The following YAF2 variants were observed in gnomAD, a reference collection of about 807,000 sequenced individuals.
YAF2 encodes YY1-associated factor 2.
YAF2 carries 7 observed loss-of-function variants against 20.1 expected under a neutral mutation model. That is an observed-to-expected ratio of 0.35 (90% CI 0.20 to 0.65). The LOEUF (loss-of-function observed/expected upper bound fraction) is 0.65, where lower values mean the gene tolerates loss of function less well. YAF2 is among the 30% of genes least tolerant of loss of function. YAF2 has a pLI of 0.69. For synonymous variants in YAF2, 74 were observed against 76.0 expected (o/e 0.97, Z 0.14); for missense variants, 151 against 219.2 (o/e 0.69, Z 1.96).
chr12:42,189,656 A>G (rs1026337178), intron 2 of YAF2, among the ~76,000 whole-genome samples: 11 of 152,204 alleles, frequency 7.2e-5, no homozygotes, highest in Admixed American at 3.3e-4. Flanking sequence ...TACATACATT[A>G]TAGATAAAAC....
rs549799298 is a variant in YAF2, at chr12:42,157,897, G to A, written c.*2692C>T. The A allele has an allele frequency of 2.6e-5, 4 of 152,084 alleles. No individual in the cohort carries two copies. In the East Asian group the frequency reaches 7.7e-4, roughly 29 times the overall value. 9.4% of individuals were successfully genotyped at this position (152,084 alleles called of 1,614,324 possible). On this transcript the variant is annotated 3_prime_UTR_variant, in exon 4 of 4. Coordinates refer to ENST00000534854, the MANE Select transcript of YAF2 (RefSeq NM_005748.6). ...TTCAGCCCAAAGTGCTGGGATTACT[G>A]GCATGAGCCATCACACCCGGCCTAT...
chr12:42,196,088 G>A (rs1199298474), intron 2 of YAF2, among the ~76,000 whole-genome samples: 1 of 151,938 alleles, frequency 6.6e-6, no homozygotes. Context: ...AGGGTGTGGT[G>A]GCACATGCCT....
At chr12:42,208,831 A>G (rs1055190041) in intron 2 of YAF2, among the ~76,000 whole-genome samples, 6 of 152,250 alleles carry the variant, frequency 3.9e-5, no homozygotes, top group Admixed American at 3.9e-4. Flanking sequence ...AGAACAAACA[A>G]AAGTTTCAAA....
intron 2 of YAF2, chr12:42,212,504 G>A (rs1453358602): frequency 4.6e-6 from 2 of 433,294 alleles, no homozygotes; most frequent in African/African-American, 4.1e-5. Flanking sequence ...CAAAGAAAGT[G>A]TATAGTTTTT....
rs776582702 is a variant in YAF2, at chr12:42,160,757, G to A, written c.375C>T (p.Val125=). Residue 125 remains valine (V), a synonymous_variant, in exon 4 of 4, where the codon GTC becomes GTT. Transcript: ENST00000534854. ...TTTTCTCCTTAAAGTCTGTAATAAT[G>A]ACTGTCAGATCTCCAACAGTAACTT... ...HLEVTVGDLT[V]IITDFKEKTK... is the part of the protein sequence containing the mutation. 1.2e-6 allele frequency: 2 copies of A among 1,613,380 alleles called. No individual in the cohort carries two copies. The highest frequency in any genetic ancestry group is 1.1e-5 in the South Asian group (1 of 91,064).
At chr12:42,177,347 G>C (rs2066222236) in intron 2 of YAF2, among the ~76,000 whole-genome samples, 1 of 152,158 alleles carries the variant, frequency 6.6e-6, no homozygotes, top group African/African-American at 2.4e-5. Context: ...AGGGTGGAAA[G>C]TCCAAGACCA....
In YAF2 at chr12:42,233,192, A is replaced by C. The variant is rs142005849; in HGVS notation, c.152+4407T>G. The C allele has an allele frequency of 2.5e-5, 25 of 985,412 alleles. No homozygotes were observed. The African/African-American group carries it at 3.3e-4, about 13-fold the overall frequency. The allele number at this position is 985,412 out of a possible 1,614,324, so 61.0% of individuals were successfully genotyped here. A position where few individuals can be genotyped will look rare whatever the true frequency, so the allele number is the denominator to read the frequency against. On this transcript the variant is annotated intron_variant, in intron 2 of 3. Transcript: ENST00000534854. ...CATCTAGCACTCTTTCTACTATGTG[A>C]AATCTTTTTTATAGCTCTCTAAAAT...
At chr12:42,163,295 G>C (rs1200310801) in intron 2 of YAF2, among the ~76,000 whole-genome samples, 1 of 152,138 alleles carries the variant, frequency 6.6e-6, no homozygotes, top group Admixed American at 6.5e-5. Context: ...GGGATCCCAT[G>C]ATTAAAAGCT....
At chr12:42,227,284 C>T (rs1310144143) in intron 2 of YAF2, among the ~76,000 whole-genome samples, 1 of 83,044 alleles carries the variant, frequency 1.2e-5, no homozygotes, top group Non-Finnish European at 2.1e-5. Context: ...TGAGGAGTGT[C>T]TCTGCCTGGC....
intron 2 of YAF2, among the ~76,000 whole-genome samples, chr12:42,202,690 G>A (rs1296354656): frequency 6.6e-6 from 1 of 152,172 alleles, no homozygotes; most frequent in Admixed American, 6.5e-5. Flanking sequence ...CCAGGTTGGA[G>A]TGCAATGGCA....
At position 42,210,442 on chromosome 12, in the gene YAF2, G is replaced by C. The variant is rs371885898; in HGVS notation, c.152+27157C>G. 6.5e-6 allele frequency: 10 copies of C among 1,534,248 alleles called. No homozygotes were observed. The African/African-American group carries it at 1.4e-4, about 21-fold the overall frequency. On this transcript the variant is annotated intron_variant, in intron 2 of 3. Transcript: ENST00000534854. ...TTCAGCATGAGAATCTTCCTGATGGGCATCCACTGGAACTGAGGGGGCATG... is the reference window on the plus strand; with the variant it reads ...TTCAGCATGAGAATCTTCCTGATGGCCATCCACTGGAACTGAGGGGGCATG...
intron 2 of YAF2, among the ~76,000 whole-genome samples, chr12:42,197,627 A>C (rs929563181): frequency 6.6e-6 from 1 of 152,182 alleles, no homozygotes; most frequent in Non-Finnish European, 1.5e-5. Flanking sequence ...TGTAACAAAG[A>C]GGTAGGCTGA....
chr12:42,226,189 T>C (rs185538400), intron 2 of YAF2, among the ~76,000 whole-genome samples: 5 of 152,328 alleles, frequency 3.3e-5, no homozygotes, highest in Admixed American at 3.3e-4. Flanking sequence ...CACAGCTTCA[T>C]TGGTTTATTT....
At chr12:42,203,687 T>C (rs753036682) in intron 2 of YAF2, among the ~76,000 whole-genome samples, 3 of 152,196 alleles carry the variant, frequency 2.0e-5, no homozygotes, top group Non-Finnish European at 2.9e-5. Context: ...TTTTCAAATA[T>C]TGAACTGTCC....
chr12:42,194,299 C>G (rs929892602), intron 2 of YAF2, among the ~76,000 whole-genome samples: 1 of 152,256 alleles, frequency 6.6e-6, no homozygotes, highest in South Asian at 2.1e-4. Flanking sequence ...CTCACTCACC[C>G]AGAGCAACCT....
At chr12:42,216,805 T>C (rs1177009027) in intron 2 of YAF2, among the ~76,000 whole-genome samples, 2 of 152,166 alleles carry the variant, frequency 1.3e-5, no homozygotes, top group Non-Finnish European at 2.9e-5. Flanking sequence ...AACTATTACC[T>C]TCCCCCAAAC....
chr12:42,199,104 T>A (rs757347474), intron 2 of YAF2: 6 of 1,187,590 alleles, frequency 5.1e-6, no homozygotes, highest in Non-Finnish European at 6.6e-6. Flanking sequence ...TTCAACAAGA[T>A]GATTTTAAGG....
intron 2 of YAF2, among the ~76,000 whole-genome samples, chr12:42,227,536 G>A (rs1296760354): frequency 6.9e-5 from 10 of 145,296 alleles, no homozygotes; most frequent in Non-Finnish European, 1.1e-4. Flanking sequence ...CCGAGACCCC[G>A]TCTGGGAGGT....
intron 2 of YAF2, chr12:42,199,276 C>T: frequency 2.7e-6 from 3 of 1,113,356 alleles, no homozygotes; most frequent in South Asian, 1.4e-5. Context: ...ACACTATGTA[C>T]ACATGGAACA....
Sources: gnomAD v4.1 joint callset for allele counts (sites outside exome capture counted in the v4.1 genomes callset) on GRCh38, gnomAD v4.1.1 for gene constraint, MANE v1.5 for transcripts, NCBI Gene and HGNC (gene_info 2026-07-23, HGNC 2026-07-21) for gene names.